The following MMEL1 variants were observed in gnomAD, a reference collection of about 807,000 sequenced individuals.
MMEL1 encodes the protein membrane metallo-endopeptidase-like 1.
Under a neutral mutation model 117.1 loss-of-function variants are expected in MMEL1, and 98 were observed. The ratio of observed to expected loss-of-function variants is 0.84; its 90% confidence interval spans 0.71 to 0.99. The LOEUF is 0.99. MMEL1 is among the 50% of genes least tolerant of loss of function. MMEL1 has a pLI of 0.00. For missense variants in MMEL1, 1,014 were observed against 1,049.1 expected, an observed-to-expected ratio of 0.97 and a Z score of 0.46; for synonymous variants, 390 against 415.1, an observed-to-expected ratio of 0.94 and a Z score of 0.74.
chr1:2,610,826 C>T lies in MMEL1; in HGVS notation c.292+455G>A, dbSNP rs1255883101. Among the ~76,000 whole-genome samples, 5 of 152,224 alleles carry T rather than the reference C, an allele frequency of 3.3e-5. No individual in the cohort carries two copies. The East Asian group carries it at 7.7e-4, about 23-fold the overall frequency. The stretch of plus-strand genomic sequence containing the variant: ...ACGGAAGGCGTGTCCACAGGCCCCC[C>T]AGCCCCCAGCACGGGCAGAAAAGCC... On this transcript the variant is annotated intron_variant, in intron 4 of 23. Coordinates refer to ENST00000378412, the MANE Select transcript of MMEL1 (RefSeq NM_033467.4).
chr1:2,617,188 G>C (rs933815125), intron 2 of MMEL1, among the ~76,000 whole-genome samples: 7 of 152,080 alleles, frequency 4.6e-5, no homozygotes, highest in Non-Finnish European at 7.4e-5. Flanking sequence ...AGCACTTTGG[G>C]AGGCCGAGGC....
At chr1:2,628,681 G>T (rs1226937574) in intron 2 of MMEL1, among the ~76,000 whole-genome samples, 2 of 150,450 alleles carry the variant, frequency 1.3e-5, no homozygotes. Context: ...GGCCGGCGTG[G>T]GGGCGGGGGG....
At chr1:2,627,677 A>G (rs1256038590) in intron 2 of MMEL1, among the ~76,000 whole-genome samples, 1 of 152,268 alleles carries the variant, frequency 6.6e-6, no homozygotes, top group Non-Finnish European at 1.5e-5. Context: ...GAAATTAAAA[A>G]AATTTCTAAA....
chr1:2,594,341 T>C, intron 18 of MMEL1, 44 bp downstream of exon 18: 1 of 1,546,026 alleles, frequency 6.5e-7, no homozygotes, highest in Non-Finnish European at 8.8e-7. Context: ...CCTTCAACTC[T>C]GGCACCAAAG....
chr1:2,619,613 G>A (rs190593937), intron 2 of MMEL1, among the ~76,000 whole-genome samples: 18 of 148,096 alleles, frequency 1.2e-4, no homozygotes, highest in East Asian at 3.9e-4. Context: ...ATCCAAGATC[G>A]TGCCACTGCA....
At chr1:2,601,418 A>G (rs1160213642) in intron 11 of MMEL1, among the ~76,000 whole-genome samples, 4 of 152,178 alleles carry the variant, frequency 2.6e-5, no homozygotes, top group Admixed American at 6.5e-5. Flanking sequence ...ATAAGAAAGA[A>G]ACAATTCCTA....
At chr1:2,593,604 T>A (rs1219278771) in intron 19 of MMEL1, among the ~76,000 whole-genome samples, 1 of 152,056 alleles carries the variant, frequency 6.6e-6, no homozygotes, top group African/African-American at 2.4e-5. Flanking sequence ...AGTCCCTGGG[T>A]CCCCTCCTCC....
Position 2,606,998 on chromosome 1 carries a change from T to A in MMEL1, c.607A>T (p.Met203Leu), listed in dbSNP as rs1645039629. The part of the protein sequence containing the change: ...LEVVGGWPVA[M>L]DRWNETVGLE... ...CCTACGGTCTCGTTCCACCTGTCCA[T>A]CGCCACCGGCCAGCCTCCCACCACC... The change falls in exon 7 of 24, where the codon ATG becomes TTG. Residue 203 changes from methionine to leucine, a missense_variant. By Grantham distance (15) the Met-to-Leu change is conservative. Coordinates refer to ENST00000378412, the MANE Select transcript of MMEL1 (RefSeq NM_033467.4). 2 of 1,613,220 alleles carry A rather than the reference T, an allele frequency of 1.2e-6. No homozygotes were observed. The highest frequency in any genetic ancestry group is 1.7e-6 in the Non-Finnish European group (2 of 1,179,956).
Position 2,595,581 on chromosome 1 carries a change from C to T in MMEL1, c.1501-222G>A, listed in dbSNP as rs911353659. On this transcript the variant is annotated intron_variant, in intron 15 of 23. Transcript: ENST00000378412. The surrounding 1 kb of genome is among the most constrained non-coding windows in gnomAD (Gnocchi z 4.8). Reference sequence around the variant, plus strand: ...GACAGAATATGGAAGGCTCCGCCCACCTGACCTAGAGCCCAACAGCCCGCC... The same window carrying T: ...GACAGAATATGGAAGGCTCCGCCCATCTGACCTAGAGCCCAACAGCCCGCC... 1.3e-5 allele frequency among the ~76,000 whole-genome samples: 2 copies of T among 152,124 alleles called. No homozygotes were observed. Among genetic ancestry groups the T allele is most frequent in the African/African-American group, 4.8e-5 (2 of 41,420 alleles).
At chr1:2,598,879 G>C in intron 11 of MMEL1, 89 bp from the exon 12 acceptor site, 1 of 1,143,500 alleles carries the variant, frequency 8.7e-7, no homozygotes, top group South Asian at 1.5e-5. Flanking sequence ...CCCTGTTGAA[G>C]AATGTTCAAG....
Position 2,607,032 on chromosome 1 carries a change from G to A in MMEL1, c.573C>T (p.Asp191=), listed in dbSNP as rs1474337789. The A allele has an allele frequency of 6.2e-7, 1 of 1,613,470 alleles. No individual in the cohort carries two copies. Among genetic ancestry groups the A allele is most frequent in the East Asian group, 2.2e-5 (1 of 44,882 alleles). ...GCCAGCCTCCCACCACCTCCAAGAT[G>A]TCCAGCAGGGGCTGAGAGCCTCGCT... ...IEKRGSQPLL[D]ILEVVGGWPV... is the part of the protein sequence containing the mutation. Residue 191 remains aspartate (D), a synonymous_variant, in exon 7 of 24, where the codon GAC becomes GAT. Transcript: ENST00000378412.
At chr1:2,599,083 TTAAA>T (rs1205150144) in intron 11 of MMEL1, among the ~76,000 whole-genome samples, 1 of 152,212 alleles carries the variant, frequency 6.6e-6, no homozygotes, top group East Asian at 1.9e-4. Flanking sequence ...GTCTTCTAGG[TTAAA>T]TAAATGGAAT....
Position 2,591,074 on chromosome 1 carries a change from C to T in MMEL1, c.2256G>A (p.Leu752=), listed in dbSNP as rs151335104. Residue 752 remains leucine (L), a synonymous_variant, in exon 24 of 24, where the codon CTG becomes CTA. Coordinates refer to ENST00000378412, the MANE Select transcript of MMEL1 (RefSeq NM_033467.4). The part of the protein sequence containing the change: ...SPLKYRVLGS[L]QNLAAFADTF... The stretch of plus-strand genomic sequence containing the variant: ...TGTCTGCGAAGGCGGCCAGGTTCTG[C>T]AGCGACCCCAGTACCCTGTGGGTGG... 4.9e-5 allele frequency: 79 copies of T among 1,601,134 alleles called. No homozygotes were observed. The African/African-American group carries it at 9.2e-4, about 19-fold the overall frequency.
chr1:2,605,012 G>T (rs1570673973), intron 9 of MMEL1, among the ~76,000 whole-genome samples: 1 of 152,136 alleles, frequency 6.6e-6, no homozygotes, highest in Admixed American at 6.5e-5. Flanking sequence ...TGGCCCTCTG[G>T]GGCATTCATG....
rs1032897711 is a variant in MMEL1 at position 2,612,841 on chromosome 1, G to A, written c.155-637C>T. ...AGAGGAGGGTGGGATGGAGAGAAGAGGGGACCCCAGGTCCAGAGAGGTGAC... is the reference window on the plus strand; with the variant it reads ...AGAGGAGGGTGGGATGGAGAGAAGAAGGGACCCCAGGTCCAGAGAGGTGAC... On this transcript the variant is annotated intron_variant, in intron 2 of 23. Coordinates refer to ENST00000378412, the MANE Select transcript of MMEL1 (RefSeq NM_033467.4). This position sits in a 1 kb window ranked among gnomAD's most constrained non-coding sequence, Gnocchi z 5.4. Among the ~76,000 whole-genome samples, 3 of 152,154 alleles carry A rather than the reference G, an allele frequency of 2.0e-5. No individual in the cohort carries two copies. Among genetic ancestry groups the A allele is most frequent in the African/African-American group, 7.2e-5 (3 of 41,432 alleles).
At chr1:2,614,191 T>C (rs1199799400) in intron 2 of MMEL1, among the ~76,000 whole-genome samples, 2 of 152,336 alleles carry the variant, frequency 1.3e-5, no homozygotes, top group South Asian at 4.1e-4. Context: ...TTATTTAGAC[T>C]GTCAGGGGAA....
chr1:2,612,264 G>T lies in MMEL1; in HGVS notation c.155-60C>A. Reference sequence around the variant, plus strand: ...TGCCTGCAGCTCCCTGGGGGTGCTGGGGGCCTCCCTGGGTCAGCACGCCAT... The same window carrying T: ...TGCCTGCAGCTCCCTGGGGGTGCTGTGGGCCTCCCTGGGTCAGCACGCCAT... On this transcript the variant is annotated intron_variant, in intron 2 of 23. Transcript: ENST00000378412. The surrounding 1 kb of genome is among the most constrained non-coding windows in gnomAD (Gnocchi z 5.4). 3 of 1,437,200 alleles carry T rather than the reference G, an allele frequency of 2.1e-6. No individual in the cohort carries two copies. The highest frequency in any genetic ancestry group is 2.9e-6 in the Non-Finnish European group (3 of 1,043,706). The allele number at this position is 1,437,200 out of a possible 1,614,324, so 89.0% of individuals were successfully genotyped here.
At chr1:2,624,624 C>T (rs1645341488) in intron 2 of MMEL1, among the ~76,000 whole-genome samples, 1 of 152,208 alleles carries the variant, frequency 6.6e-6, no homozygotes, top group Admixed American at 6.5e-5. Flanking sequence ...CCTCCCACAG[C>T]AGTGTATTGT....
chr1:2,592,996 A>G (rs1312458797), intron 19 of MMEL1, 30 bp from the exon 20 acceptor site: 2 of 1,608,798 alleles, frequency 1.2e-6, no homozygotes, highest in East Asian at 2.2e-5. Flanking sequence ...GGCTGCCCAC[A>G]TGCCCCTGGC....
Sources: allele counts gnomAD v4.1 joint callset (sites outside exome capture counted in the v4.1 genomes callset), GRCh38; gene constraint gnomAD v4.1.1; non-coding constraint Gnocchi (gnomAD v3.1); transcripts MANE v1.5; gene names NCBI Gene and HGNC (gene_info 2026-07-23, HGNC 2026-07-21).